FASTKD1: variants seen among roughly 807,000 people sequenced by gnomAD.
The protein encoded by FASTKD1 is FAST kinase domains 1, also known as FAST kinase domain-containing protein 1, mitochondrial.
A neutral mutation model predicts 90.9 loss-of-function variants in FASTKD1; 94 were observed. That is an observed-to-expected ratio of 1.03 (90% CI 0.88 to 1.23). FASTKD1 has a LOEUF of 1.23. Ranked by LOEUF, FASTKD1 falls within the 50% of genes most tolerant of loss-of-function variation. The pLI is 0.00. For missense variants in FASTKD1, 945 were observed against 993.5 expected, an observed-to-expected ratio of 0.95 and a Z score of 0.66; for synonymous variants, 319 against 345.8, an observed-to-expected ratio of 0.92 and a Z score of 0.86.
intron 4 of FASTKD1, among the ~76,000 whole-genome samples, chr2:169,562,006 T>G (rs1286892088): frequency 2.6e-5 from 3 of 113,758 alleles, no homozygotes; most frequent in Non-Finnish European, 3.7e-5. Flanking sequence ...TAATTATTCA[T>G]TAATTTATTG....
chr2:169,562,241 T>C (rs1164651642), intron 4 of FASTKD1, among the ~76,000 whole-genome samples: 3 of 151,722 alleles, frequency 2.0e-5, no homozygotes, highest in Non-Finnish European at 2.9e-5. Context: ...TTTTTTGTTA[T>C]TGTTGTTTTG....
At chr2:169,539,788 A>G (rs1381068020) in intron 10 of FASTKD1, among the ~76,000 whole-genome samples, 1 of 152,146 alleles carries the variant, frequency 6.6e-6, no homozygotes, top group Non-Finnish European at 1.5e-5. Context: ...AAACACAGAT[A>G]TATAATCATT....
chr2:169,555,064 C>T (rs1683232952), intron 7 of FASTKD1, 60 bp downstream of exon 7: 1 of 1,523,898 alleles, frequency 6.6e-7, no homozygotes, highest in Non-Finnish European at 8.9e-7. Flanking sequence ...CATAGTTAAA[C>T]AAAACAAATA....
At chr2:169,567,375 C>A (rs1684035638) in intron 3 of FASTKD1, among the ~76,000 whole-genome samples, 1 of 152,140 alleles carries the variant, frequency 6.6e-6, no homozygotes, top group South Asian at 2.1e-4. Flanking sequence ...ACAAATCTAA[C>A]CCCAAAGATC....
intron 12 of FASTKD1, among the ~76,000 whole-genome samples, chr2:169,532,504 G>C (rs1684536175): frequency 6.6e-6 from 1 of 151,020 alleles, no homozygotes; most frequent in African/African-American, 2.4e-5. Context: ...TGAAGTTTTT[G>C]GCCAAAAAGA....
chr2:169,572,378 C>T lies in FASTKD1; in HGVS notation c.-142-207G>A, dbSNP rs545893389. Among the ~76,000 whole-genome samples the T allele has an allele frequency of 2.3e-4, 35 of 151,580 alleles. No individual in the cohort carries two copies. In the South Asian group the frequency reaches 7.3e-3, roughly 32 times the overall value. ...CATTTTAAAAGTGTTTTAAATCTGA[C>T]ATTTACATAAAGTTTTCAAATTTAC... On this transcript the variant is annotated intron_variant, in intron 1 of 14. Coordinates refer to ENST00000453153, the MANE Select transcript of FASTKD1 (RefSeq NM_024622.6).
chr2:169,534,856 C>CT (rs879485102), intron 12 of FASTKD1, among the ~76,000 whole-genome samples: 25 of 144,704 alleles, frequency 1.7e-4, no homozygotes, highest in South Asian at 4.4e-4. Context: ...ACCTTTTTGT[C>CT]TTTTTTTTTT....
At chr2:169,568,438 G>A (rs150090826) in intron 3 of FASTKD1, among the ~76,000 whole-genome samples, 7 of 151,956 alleles carry the variant, frequency 4.6e-5, no homozygotes, top group African/African-American at 1.7e-4. Context: ...TACATGTGTG[G>A]AAAAGTATAC....
At chr2:169,556,855 A>AC (rs56880319) in intron 6 of FASTKD1, among the ~76,000 whole-genome samples, 1 of 151,318 alleles carries the variant, frequency 6.6e-6, no homozygotes, top group African/African-American at 2.4e-5. Flanking sequence ...AAACAAACAA[A>AC]ATTAGCTGGG....
intron 5 of FASTKD1, among the ~76,000 whole-genome samples, chr2:169,559,829 ATG>A (rs1288101204): frequency 6.6e-6 from 1 of 152,170 alleles, no homozygotes; most frequent in Non-Finnish European, 1.5e-5. Flanking sequence ...CCGTATTTGT[ATG>A]TTAATTTAAT....
intron 14 of FASTKD1, among the ~76,000 whole-genome samples, chr2:169,530,360 A>G (rs1017851857): frequency 6.6e-6 from 1 of 152,064 alleles, no homozygotes; most frequent in Non-Finnish European, 1.5e-5. Flanking sequence ...GTGCAGTGGG[A>G]TGATCACGGC....
chr2:169,555,052 T>C, intron 7 of FASTKD1, 72 bp downstream of exon 7: 3 of 1,441,702 alleles, frequency 2.1e-6, no homozygotes, highest in Middle Eastern at 1.8e-4. Flanking sequence ...AGCACCACTG[T>C]ACATAGTTAA....
intron 7 of FASTKD1, among the ~76,000 whole-genome samples, chr2:169,549,116 T>A (rs1440371890): frequency 6.8e-6 from 1 of 147,742 alleles, no homozygotes; most frequent in Non-Finnish European, 1.5e-5. Context: ...AATAAATAGC[T>A]GGGCGTGGTG....
At chr2:169,534,291 C>A (rs1054307254) in intron 12 of FASTKD1, among the ~76,000 whole-genome samples, 7 of 149,064 alleles carry the variant, frequency 4.7e-5, no homozygotes, top group Non-Finnish European at 1.0e-4. Flanking sequence ...TATAAAAGAG[C>A]ATCCTCTGTT....
rs1559157421 is a variant in FASTKD1 at position 169,562,030 on chromosome 2, T to TTAATTTATTGTAAATTAATTATTC, written c.572+1194_572+1195insGAATAATTAATTTACAATAAATTA. On this transcript the variant is annotated intron_variant, in intron 4 of 14. Coordinates refer to ENST00000453153, the MANE Select transcript of FASTKD1 (RefSeq NM_024622.6). ...ATTAATTTATTGTAAATTAATTATT[T>TTAATTTATTGTAAATTAATTATTC]ATTAATTTATTGTAAATTAATTATT... Among the ~76,000 whole-genome samples the TTAATTTATTGTAAATTAATTATTC allele has an allele frequency of 5.4e-4, 55 of 101,380 alleles. 2 individuals carry two copies. The highest frequency in any genetic ancestry group is 8.2e-4 in the African/African-American group (25 of 30,564). 66.5% of individuals were successfully genotyped at this position (101,380 alleles called of 152,430 possible). A position where few individuals can be genotyped will look rare whatever the true frequency, so the allele number is the denominator to read the frequency against.
intron 12 of FASTKD1, among the ~76,000 whole-genome samples, chr2:169,534,035 G>A (rs1002003371): frequency 2.2e-4 from 34 of 152,000 alleles, no homozygotes; most frequent in African/African-American, 8.2e-4. Flanking sequence ...GCCTGGTGTG[G>A]TGGTGTGTGC....
intron 3 of FASTKD1, 23 bp from the exon 4 acceptor site, chr2:169,563,373 G>A: frequency 6.6e-7 from 1 of 1,514,848 alleles, no homozygotes; most frequent in South Asian, 1.2e-5. Context: ...ATATACAAAG[G>A]AGAACATTAG....
At chr2:169,537,962 T>A in intron 11 of FASTKD1, 51 bp downstream of exon 11, 2 of 1,506,978 alleles carry the variant, frequency 1.3e-6, no homozygotes, top group South Asian at 2.5e-5. Flanking sequence ...TACTACCTAA[T>A]AATTTACTTT....
chr2:169,572,658 C>A lies in FASTKD1; in HGVS notation c.-142-487G>T, dbSNP rs963295614. On this transcript the variant is annotated intron_variant, in intron 1 of 14. Coordinates refer to ENST00000453153, the MANE Select transcript of FASTKD1 (RefSeq NM_024622.6). ...CTTAAAGAGCTCAAATAATTCCTTT[C>A]TTTAGAAAATAAATAAATAAAAGAA... is the stretch of plus-strand genomic sequence containing the variant. Among the ~76,000 whole-genome samples, 5 of 151,520 alleles carry A rather than the reference C, an allele frequency of 3.3e-5. No individual in the cohort carries two copies. In the South Asian group the frequency reaches 1.0e-3, roughly 32 times the overall value.
Sources: gnomAD v4.1 joint callset for allele counts (sites outside exome capture counted in the v4.1 genomes callset) on GRCh38, gnomAD v4.1.1 for gene constraint, MANE v1.5 for transcripts, NCBI Gene and HGNC (gene_info 2026-07-23, HGNC 2026-07-21) for gene names.